The following AGMO variants were observed in gnomAD, a reference collection of about 807,000 sequenced individuals.
AGMO encodes alkylglycerol monooxygenase.
In AGMO, 75 loss-of-function variants were observed where a neutral mutation model predicts 60.2. That is an observed-to-expected ratio of 1.25 (90% CI 1.03 to 1.51). The LOEUF is 1.51. Among genes scored for constraint, AGMO ranks in the 40% most tolerant of loss-of-function variants. The probability of loss-of-function intolerance (pLI) is 0.00; values close to 1 mark genes in which losing one functional copy is unlikely to be tolerated. For missense variants in AGMO, 763 were observed against 525.5 expected (o/e 1.45, Z -4.42); for synonymous variants, 261 against 177.1 (o/e 1.47, Z -3.76).
intron 12 of AGMO, among the ~76,000 whole-genome samples, chr7:15,287,182 A>T (rs1267729759): frequency 6.6e-6 from 1 of 152,170 alleles, no homozygotes; most frequent in Non-Finnish European, 1.5e-5. Flanking sequence ...TATACAATTC[A>T]TCCATGTAAT....
At position 15,248,193 on chromosome 7, in the gene AGMO, T is replaced by C. The variant is rs866418353; in HGVS notation, c.1264-46834A>G. Among the ~76,000 whole-genome samples, 75 of 72,394 alleles carry C rather than the reference T, an allele frequency of 1.0e-3. 1 individual carries two copies. Among genetic ancestry groups the C allele is most frequent in the African/African-American group, 3.8e-3 (55 of 14,664 alleles). 47.5% of individuals were successfully genotyped at this position (72,394 alleles called of 152,430 possible). ...TGATCCAGCACCATATATATATATA[T>C]ATATATATATATATATATATATATA... is the stretch of plus-strand genomic sequence containing the variant. On this transcript the variant is annotated intron_variant, in intron 12 of 12. Transcript: ENST00000342526.
intron 12 of AGMO, among the ~76,000 whole-genome samples, chr7:15,202,168 T>C (rs909148854): frequency 6.6e-6 from 1 of 152,026 alleles, no homozygotes; most frequent in African/African-American, 2.4e-5. Context: ...TTTCTCTATA[T>C]TTTTCATGTA....
chr7:15,188,298 A>C, the AGMO span, among the ~76,000 whole-genome samples: 2 of 152,202 alleles, frequency 1.3e-5, no homozygotes, highest in Admixed American at 6.5e-5. Flanking sequence ...CTCAGCCAAG[A>C]AAAGAGTATA....
chr7:15,540,543 G>T (rs1313955435), intron 3 of AGMO, among the ~76,000 whole-genome samples: 1 of 152,138 alleles, frequency 6.6e-6, no homozygotes, highest in African/African-American at 2.4e-5. Flanking sequence ...AGCATCAAGT[G>T]AGCTGGCAAA....
intron 4 of AGMO, among the ~76,000 whole-genome samples, chr7:15,423,062 C>T (rs1362129549): frequency 1.3e-5 from 2 of 151,620 alleles, no homozygotes; most frequent in Middle Eastern, 3.4e-3. Flanking sequence ...AAATGAAAAA[C>T]GAAAAAGCTT....
intron 10 of AGMO, among the ~76,000 whole-genome samples, chr7:15,372,721 A>G (rs1164279973): frequency 6.6e-6 from 1 of 152,170 alleles, no homozygotes; most frequent in Non-Finnish European, 1.5e-5. Flanking sequence ...CACGTAGCTT[A>G]TTAGTTTTTT....
chr7:15,500,169 A>G (rs1224483395), intron 3 of AGMO, among the ~76,000 whole-genome samples: 1 of 151,878 alleles, frequency 6.6e-6, no homozygotes, highest in East Asian at 1.9e-4. Context: ...AAAATTAAAA[A>G]TAGTTAACAA....
intron 12 of AGMO, among the ~76,000 whole-genome samples, chr7:15,217,088 G>A (rs1289630299): frequency 6.6e-6 from 1 of 152,056 alleles, no homozygotes; most frequent in Non-Finnish European, 1.5e-5. Context: ...AGAAGGTGAG[G>A]AAGGAAATAC....
At chr7:15,324,723 G>C (rs570473944) in intron 12 of AGMO, among the ~76,000 whole-genome samples, 1 of 152,252 alleles carries the variant, frequency 6.6e-6, no homozygotes, top group African/African-American at 2.4e-5. Flanking sequence ...TTCCACCTCA[G>C]ATCATCAGGC....
intron 12 of AGMO, among the ~76,000 whole-genome samples, chr7:15,272,657 G>A (rs1484183617): frequency 6.6e-6 from 1 of 152,060 alleles, no homozygotes; most frequent in Non-Finnish European, 1.5e-5. Flanking sequence ...TAATGGGATG[G>A]CTGGGTCAAA....
chr7:15,282,125 T>TA (rs1554405989), intron 12 of AGMO, among the ~76,000 whole-genome samples: 2 of 151,970 alleles, frequency 1.3e-5, no homozygotes, highest in Non-Finnish European at 2.9e-5. Flanking sequence ...TCTGCCCAAA[T>TA]AAGAAGCAAC....
intron 12 of AGMO, among the ~76,000 whole-genome samples, chr7:15,293,807 G>A (rs1482854437): frequency 6.6e-6 from 1 of 152,070 alleles, no homozygotes; most frequent in Non-Finnish European, 1.5e-5. Flanking sequence ...ATAACACATT[G>A]TCTTCATCAT....
intron 3 of AGMO, among the ~76,000 whole-genome samples, chr7:15,458,416 G>A (rs1782051741): frequency 6.6e-6 from 1 of 152,144 alleles, no homozygotes; most frequent in Non-Finnish European, 1.5e-5. Flanking sequence ...GCTTGGGAGT[G>A]GTGTGACTTG....
At chr7:15,166,429 G>A in the AGMO span, among the ~76,000 whole-genome samples, 2 of 152,166 alleles carry the variant, frequency 1.3e-5, no homozygotes, top group Non-Finnish European at 2.9e-5. Context: ...GGAGAGAGTA[G>A]TAAAGGAGGA....
At chr7:15,198,097 T>A (rs1278166419), downstream of AGMO, among the ~76,000 whole-genome samples, 1 of 151,964 alleles carries the variant, frequency 6.6e-6, no homozygotes, top group Non-Finnish European at 1.5e-5. Flanking sequence ...TTATGGTAGA[T>A]TAGGAAAAGT....
intron 12 of AGMO, among the ~76,000 whole-genome samples, chr7:15,292,257 C>A (rs1332890077): frequency 6.6e-6 from 1 of 152,104 alleles, no homozygotes; most frequent in Non-Finnish European, 1.5e-5. Context: ...AATGGCCCAA[C>A]AGTACTTTAG....
chr7:15,425,047 C>T lies in AGMO; in HGVS notation c.513+5958G>A, dbSNP rs1402530779. On this transcript the variant is annotated intron_variant, in intron 4 of 12. Coordinates refer to ENST00000342526, the MANE Select transcript of AGMO (RefSeq NM_001004320.2). ...CATATGTAATATAAAAATAATATCACACATAAGAATCATACTTGATATGTT... is the reference window on the plus strand; with the variant it reads ...CATATGTAATATAAAAATAATATCATACATAAGAATCATACTTGATATGTT... 2.6e-5 allele frequency among the ~76,000 whole-genome samples: 4 copies of T among 152,224 alleles called. No individual in the cohort carries two copies. The East Asian group carries it at 5.8e-4, about 22-fold the overall frequency.
At chr7:15,532,723 G>A (rs1275910033) in intron 3 of AGMO, among the ~76,000 whole-genome samples, 1 of 141,444 alleles carries the variant, frequency 7.1e-6, no homozygotes, top group African/African-American at 2.6e-5. Flanking sequence ...GGGTGCGGTG[G>A]TTCATGCCTA....
the AGMO span, among the ~76,000 whole-genome samples, chr7:15,175,642 G>A: frequency 1.3e-5 from 2 of 151,624 alleles, no homozygotes; most frequent in East Asian, 3.9e-4. Context: ...AAAAAAGGAG[G>A]TTACATATTT....
Sources: allele counts gnomAD v4.1 joint callset (sites outside exome capture counted in the v4.1 genomes callset), GRCh38; gene constraint gnomAD v4.1.1; transcripts MANE v1.5; gene names NCBI Gene and HGNC (gene_info 2026-07-23, HGNC 2026-07-21).